ROS1: variants seen among roughly 807,000 people sequenced by gnomAD.
ROS1 encodes ROS proto-oncogene 1, receptor tyrosine kinase.
ROS1 carries 263 observed loss-of-function variants against 273.5 expected under a neutral mutation model. That is an observed-to-expected ratio of 0.96 (90% CI 0.87 to 1.06). ROS1 has a LOEUF of 1.06. Ranked by LOEUF, ROS1 falls within the 50% of genes least tolerant of loss-of-function variation. The probability of loss-of-function intolerance (pLI) is 0.00; values close to 1 mark genes in which losing one functional copy is unlikely to be tolerated. For synonymous variants in ROS1, 1,008 were observed against 954.1 expected (o/e 1.06, Z -1.04); for missense variants, 2,833 against 2,751.1 (o/e 1.03, Z -0.67).
At chr6:117,333,636 C>G (rs62430808) in intron 32 of ROS1, among the ~76,000 whole-genome samples, 1 of 152,122 alleles carries the variant, frequency 6.6e-6, no homozygotes, top group Admixed American at 6.5e-5. Context: ...AAAACATATC[C>G]ACCACGAACA....
chr6:117,399,334 A>G (rs1773763571), intron 7 of ROS1, among the ~76,000 whole-genome samples: 2 of 152,370 alleles, frequency 1.3e-5, no homozygotes, highest in South Asian at 4.1e-4. Context: ...GGAAGAATTC[A>G]TTCTCCTCTG....
intron 4 of ROS1, among the ~76,000 whole-genome samples, chr6:117,411,172 G>C (rs567698856): frequency 6.6e-6 from 1 of 152,044 alleles, no homozygotes; most frequent in African/African-American, 2.4e-5. Flanking sequence ...GAGTTTAAAA[G>C]TTATCTCAAG....
rs1158370374 is a variant in ROS1, at chr6:117,318,175, A to G, written c.5987+13T>C. ...TTCTTACCCATACCAGGAGAAAATT[A>G]TTTCAGAGCTACCTCATCAGATGTG... On this transcript the variant is annotated intron_variant, in intron 38 of 43. Transcript: ENST00000368507. The G allele has an allele frequency of 1.2e-6, 2 of 1,608,268 alleles. No homozygotes were observed. Among genetic ancestry groups the G allele is most frequent in the African/African-American group, 2.7e-5 (2 of 74,778 alleles).
At chr6:117,394,819 T>TG in intron 9 of ROS1, 81 bp from the exon 10 acceptor site, 2 of 1,284,622 alleles carry the variant, frequency 1.6e-6, no homozygotes, top group East Asian at 2.5e-5. Flanking sequence ...AGTACTACCC[T>TG]TCAAAGCAAG....
At chr6:117,376,600 T>C (rs1280763408) in intron 18 of ROS1, among the ~76,000 whole-genome samples, 1 of 152,050 alleles carries the variant, frequency 6.6e-6, no homozygotes, top group Non-Finnish European at 1.5e-5. Context: ...CAAAAAGCAA[T>C]TGTATTTTCC....
chr6:117,291,993 G>C (rs1278393641), intron 43 of ROS1, among the ~76,000 whole-genome samples: 1 of 148,994 alleles, frequency 6.7e-6, no homozygotes, highest in African/African-American at 2.5e-5. Flanking sequence ...TTTTTGAGAT[G>C]GAGTCTCACT....
intron 12 of ROS1, among the ~76,000 whole-genome samples, chr6:117,391,284 A>G (rs1432881392): frequency 6.6e-6 from 1 of 152,236 alleles, no homozygotes; most frequent in African/African-American, 2.4e-5. Context: ...TCCTAAATTC[A>G]AAATTGTTAA....
chr6:117,387,198 CT>C (rs1227817140), intron 14 of ROS1, among the ~76,000 whole-genome samples, 199 bp from the exon 15 acceptor site: 1 of 152,142 alleles, frequency 6.6e-6, no homozygotes, highest in East Asian at 1.9e-4. Flanking sequence ...AACATACTTT[CT>C]GATTTTCACA....
At chr6:117,357,716 T>A (rs573366111) in intron 25 of ROS1, 88 bp downstream of exon 25, 11 of 862,720 alleles carry the variant, frequency 1.3e-5, no homozygotes, top group Non-Finnish European at 1.9e-5. Context: ...TTTCCATAAT[T>A]GTCTTCTACT....
chr6:117,310,891 A>G (rs1775492441), intron 40 of ROS1, 129 bp downstream of exon 40: 1 of 579,284 alleles, frequency 1.7e-6, no homozygotes. Context: ...TATAAGAGAG[A>G]CTTTTAATAG....
intron 18 of ROS1, among the ~76,000 whole-genome samples, chr6:117,378,500 G>C (rs572785999): frequency 6.4e-4 from 97 of 152,194 alleles, no homozygotes; most frequent in Non-Finnish European, 1.0e-3. Flanking sequence ...GTCTCAAAAT[G>C]CATTTGTCTA....
chr6:117,313,980 G>A (rs2128552785), intron 39 of ROS1, among the ~76,000 whole-genome samples: 1 of 152,246 alleles, frequency 6.6e-6, no homozygotes, highest in South Asian at 2.1e-4. Flanking sequence ...CGGAACAGCT[G>A]AAGTGCATGT....
At chr6:117,298,961 T>C (rs371998741) in intron 43 of ROS1, among the ~76,000 whole-genome samples, 44 of 151,700 alleles carry the variant, frequency 2.9e-4, no homozygotes, top group African/African-American at 1.1e-3. Flanking sequence ...CTTAAGGGTA[T>C]GTTTGCCTAA....
At chr6:117,359,745 C>A in intron 24 of ROS1, 64 bp downstream of exon 24, 3 of 1,317,846 alleles carry the variant, frequency 2.3e-6, no homozygotes, top group Non-Finnish European at 3.3e-6. Context: ...ATTTTAACTA[C>A]AAAGTAGTGT....
intron 42 of ROS1, among the ~76,000 whole-genome samples, chr6:117,302,368 T>C (rs768395245): frequency 5.9e-5 from 9 of 152,142 alleles, no homozygotes; most frequent in African/African-American, 1.2e-4. Flanking sequence ...ATGTGACTTC[T>C]AGAGGCATGG....
At chr6:117,391,665 A>C (rs1434527544) in intron 12 of ROS1, among the ~76,000 whole-genome samples, 4 of 152,124 alleles carry the variant, frequency 2.6e-5, no homozygotes, top group Non-Finnish European at 5.9e-5. Context: ...TTTTTATAGA[A>C]ACTCTCCTAT....
intron 31 of ROS1, 51 bp from the exon 32 acceptor site, chr6:117,337,391 T>G: frequency 1.4e-6 from 2 of 1,432,922 alleles, no homozygotes; most frequent in Non-Finnish European, 1.9e-6. Context: ...GAAAATATTC[T>G]TAAAACACAA....
chr6:117,372,363 T>G (rs759815916), intron 18 of ROS1, among the ~76,000 whole-genome samples: 10 of 152,228 alleles, frequency 6.6e-5, no homozygotes. Flanking sequence ...TACTTCTCCA[T>G]AAAGCTCCTA....
At position 117,365,194 on chromosome 6, in the gene ROS1, C is replaced by T; in HGVS notation, c.2969G>A (p.Ser990Asn). ...EFSAHSKFLA[S>N]EQHSLPVFTV... Reference sequence around the variant, plus strand: ...AAATACAGGTAAAGAGTGTTGTTCACTAGCCAAGAACTAAAATATAAACAG... The same window carrying T: ...AAATACAGGTAAAGAGTGTTGTTCATTAGCCAAGAACTAAAATATAAACAG... Residue 990 changes from serine (S) to asparagine (N), a missense_variant, in exon 21 of 44, where the codon AGT becomes AAT. Coordinates refer to ENST00000368507, the MANE Select transcript of ROS1 (RefSeq NM_001378902.1). 1.9e-6 allele frequency: 3 copies of T among 1,598,164 alleles called. No individual in the cohort carries two copies. The highest frequency in any genetic ancestry group is 1.3e-5 in the African/African-American group (1 of 74,150).
Sources: gnomAD v4.1 joint callset for allele counts (sites outside exome capture counted in the v4.1 genomes callset) on GRCh38, gnomAD v4.1.1 for gene constraint, MANE v1.5 for transcripts, NCBI Gene and HGNC (gene_info 2026-07-23, HGNC 2026-07-21) for gene names.